HS6ST3: variants seen among roughly 807,000 people sequenced by gnomAD.
The protein encoded by HS6ST3 is heparan-sulfate 6-O-sulfotransferase 3.
HS6ST3 carries 12 observed loss-of-function variants against 36.7 expected under a neutral mutation model. That is an observed-to-expected ratio of 0.33 (90% CI 0.21 to 0.53). The LOEUF (loss-of-function observed/expected upper bound fraction) is 0.53, where lower values mean the gene tolerates loss of function less well. Ranked by LOEUF, HS6ST3 falls within the 20% of genes least tolerant of loss-of-function variation. HS6ST3 has a pLI of 0.95. For missense variants in HS6ST3, 584 were observed against 640.9 expected (o/e 0.91, Z 0.96); for synonymous variants, 240 against 257.5 (o/e 0.93, Z 0.65).
chr13:96,335,181 C>A (rs189344173), intron 1 of HS6ST3, among the ~76,000 whole-genome samples: 1 of 152,168 alleles, frequency 6.6e-6, no homozygotes. Context: ...CAAAGTCCAT[C>A]CCCAGAAGCT....
intron 1 of HS6ST3, among the ~76,000 whole-genome samples, chr13:96,439,006 G>A (rs1375449060): frequency 6.6e-6 from 1 of 152,024 alleles, no homozygotes; most frequent in Non-Finnish European, 1.5e-5. Context: ...GGCAGAGGCT[G>A]CAGTGAACCA....
At chr13:96,457,691 T>A (rs1385531850) in intron 1 of HS6ST3, among the ~76,000 whole-genome samples, 1 of 152,166 alleles carries the variant, frequency 6.6e-6, no homozygotes. Context: ...GTTTGCCCTC[T>A]GCTGAATTTG....
intron 1 of HS6ST3, among the ~76,000 whole-genome samples, chr13:96,540,413 T>A (rs1227814824): frequency 1.3e-5 from 2 of 152,250 alleles, no homozygotes; most frequent in East Asian, 3.9e-4. Context: ...TGTTTGTCTT[T>A]TGCTTGCTTA....
At chr13:96,556,445 G>A (rs1264540482) in intron 1 of HS6ST3, among the ~76,000 whole-genome samples, 1 of 152,070 alleles carries the variant, frequency 6.6e-6, no homozygotes. Context: ...TTATTTTTCA[G>A]CATAAGCAAT....
At chr13:96,765,496 A>AT (rs1180175304) in intron 1 of HS6ST3, among the ~76,000 whole-genome samples, 2 of 151,242 alleles carry the variant, frequency 1.3e-5, no homozygotes, top group Non-Finnish European at 1.5e-5. Flanking sequence ...CCATTTTGTG[A>AT]TTTTTCCAGG....
chr13:96,319,359 C>G (rs781687549), intron 1 of HS6ST3, among the ~76,000 whole-genome samples: 3 of 152,196 alleles, frequency 2.0e-5, no homozygotes, highest in Non-Finnish European at 4.4e-5. Flanking sequence ...ATATTCCTCT[C>G]TATGGATAGA....
At position 96,799,979 on chromosome 13, in the gene HS6ST3, T is replaced by C. The variant is rs1025396902; in HGVS notation, c.708-32511T>C. On this transcript the variant is annotated intron_variant, in intron 1 of 1. Coordinates refer to ENST00000376705, the MANE Select transcript of HS6ST3 (RefSeq NM_153456.4). ...ATATATATATGTGTATATATATATA[T>C]ATGTATATATATATATATGTATATA... Among the ~76,000 whole-genome samples the C allele has an allele frequency of 3.8e-4, 34 of 90,410 alleles. 2 individuals carry two copies. Among genetic ancestry groups the C allele is most frequent in the Admixed American group, 2.8e-3 (27 of 9,632 alleles). The allele number at this position is 90,410 out of a possible 152,430, so 59.3% of individuals were successfully genotyped here.
intron 1 of HS6ST3, among the ~76,000 whole-genome samples, chr13:96,273,201 C>T (rs566816501): frequency 6.6e-6 from 1 of 152,036 alleles, no homozygotes; most frequent in African/African-American, 2.4e-5. Flanking sequence ...GGTAGGATGG[C>T]CCTTCCTGAT....
At chr13:96,419,794 T>G (rs1297275057) in intron 1 of HS6ST3, among the ~76,000 whole-genome samples, 1 of 152,162 alleles carries the variant, frequency 6.6e-6, no homozygotes, top group Non-Finnish European at 1.5e-5. Context: ...CCATCACGCA[T>G]AGTCGTCTTC....
chr13:96,231,837 AG>A (rs1430084943), intron 1 of HS6ST3, among the ~76,000 whole-genome samples: 1 of 152,178 alleles, frequency 6.6e-6, no homozygotes, highest in African/African-American at 2.4e-5. Flanking sequence ...TAGAGTACAT[AG>A]GGGGGTTAAC....
chr13:96,766,698 G>A lies in HS6ST3; in HGVS notation c.708-65792G>A, dbSNP rs544522639. On this transcript the variant is annotated intron_variant, in intron 1 of 1. Coordinates refer to ENST00000376705, the MANE Select transcript of HS6ST3 (RefSeq NM_153456.4). ...CTGAGGCAACCTTGCACCAGCTTCC[G>A]TCTTTTTATTTTCTGATGAAAATAA... is the stretch of plus-strand genomic sequence containing the variant. Among the ~76,000 whole-genome samples, 166 of 152,140 alleles carry A rather than the reference G, an allele frequency of 1.1e-3. 2 individuals are homozygous for A. Among genetic ancestry groups the A allele is most frequent in the African/African-American group, 2.4e-3 (99 of 41,518 alleles).
chr13:96,422,189 T>G (rs1382800051), intron 1 of HS6ST3, among the ~76,000 whole-genome samples: 1 of 152,206 alleles, frequency 6.6e-6, no homozygotes. Flanking sequence ...CCAGACTGCT[T>G]AGCACATCGC....
At chr13:96,737,397 G>A (rs56031235) in intron 1 of HS6ST3, among the ~76,000 whole-genome samples, 5,643 of 151,280 alleles carry the variant, frequency 0.037, 162 homozygotes, top group Non-Finnish European at 0.055. Context: ...AGGCCGAGGC[G>A]GGTGGATCAT....
At chr13:96,527,996 G>C (rs112052594) in intron 1 of HS6ST3, among the ~76,000 whole-genome samples, 3 of 152,162 alleles carry the variant, frequency 2.0e-5, no homozygotes, top group African/African-American at 7.2e-5. Context: ...TATTCTCATT[G>C]CCATTCAGGA....
intron 1 of HS6ST3, among the ~76,000 whole-genome samples, chr13:96,128,440 A>G (rs141029148): frequency 0.025 from 3,765 of 152,256 alleles, 68 homozygotes; most frequent in Middle Eastern, 0.048. Flanking sequence ...GTGCATTCCA[A>G]GATAACTAAG....
chr13:96,669,761 C>T (rs1214945532), intron 1 of HS6ST3, among the ~76,000 whole-genome samples: 3 of 152,096 alleles, frequency 2.0e-5, no homozygotes, highest in Non-Finnish European at 4.4e-5. Context: ...AAAAGAACTA[C>T]GTAATAAAGA....
At chr13:96,363,408 C>T (rs1192843693) in intron 1 of HS6ST3, among the ~76,000 whole-genome samples, 4 of 151,722 alleles carry the variant, frequency 2.6e-5, no homozygotes, top group African/African-American at 7.3e-5. Flanking sequence ...TTGACAGGGA[C>T]GAATTGCATG....
At chr13:96,522,954 C>T (rs1285284727) in intron 1 of HS6ST3, among the ~76,000 whole-genome samples, 2 of 152,092 alleles carry the variant, frequency 1.3e-5, no homozygotes, top group African/African-American at 4.8e-5. Context: ...TTCTTCTTAG[C>T]CTCGATGGTC....
At chr13:96,506,689 T>C (rs1008402440) in intron 1 of HS6ST3, among the ~76,000 whole-genome samples, 3 of 152,136 alleles carry the variant, frequency 2.0e-5, no homozygotes, top group Non-Finnish European at 4.4e-5. Context: ...TAAGCACTTA[T>C]AAGGTACGTA....
Sources: gnomAD v4.1 joint callset for allele counts (sites outside exome capture counted in the v4.1 genomes callset) on GRCh38, gnomAD v4.1.1 for gene constraint, MANE v1.5 for transcripts, NCBI Gene and HGNC (gene_info 2026-07-23, HGNC 2026-07-21) for gene names.